The following MORN1 variants were observed in gnomAD, a reference collection of about 807,000 sequenced individuals.
The protein encoded by MORN1 is MORN repeat containing 1.
MORN1 carries 67 observed loss-of-function variants against 61.9 expected under a neutral mutation model. The ratio of observed to expected loss-of-function variants is 1.08; its 90% CI spans 0.89 to 1.33. The LOEUF (loss-of-function observed/expected upper bound fraction) is 1.33. Ranked by LOEUF, MORN1 falls within the 40% of genes most tolerant of loss-of-function variation. The pLI, the probability that MORN1 is intolerant of heterozygous loss-of-function variation, is 0.00. For missense variants in MORN1, 752 were observed against 691.2 expected (o/e 1.09, Z -0.99); for synonymous variants, 301 against 292.0 (o/e 1.03, Z -0.31).
intron 5 of MORN1, 134 bp downstream of exon 5, chr1:2,385,673 G>T: frequency 1.4e-6 from 1 of 722,466 alleles, no homozygotes. Flanking sequence ...GGGGGGTGGC[G>T]GGTAGACAGC....
Position 2,357,337 on chromosome 1 carries a change from C to T in MORN1, c.1036+95G>A, listed in dbSNP as rs574467532. The stretch of plus-strand genomic sequence containing the variant: ...TGACCCTGGGTGCGGCTTGCTCCTG[C>T]TCTGGCCTGGTTCTGGGTCCCCATG... On this transcript the variant is annotated intron_variant, in intron 10 of 13. Transcript: ENST00000378531. This position sits in a 1 kb window ranked among gnomAD's most constrained non-coding sequence, Gnocchi z 6.3. 2.9e-6 allele frequency: 4 copies of T among 1,402,124 alleles called. No homozygotes were observed. Among genetic ancestry groups the T allele is most frequent in the Non-Finnish European group, 3.9e-6 (4 of 1,033,518 alleles). The allele number at this position is 1,402,124 out of a possible 1,614,324, so 86.9% of individuals were successfully genotyped here.
rs537879659 is a variant in MORN1 at position 2,347,990 on chromosome 1, C to T, written c.1036+9442G>A. On this transcript the variant is annotated intron_variant, in intron 10 of 13. Transcript: ENST00000378531. Reference sequence around the variant, plus strand: ...TTCGCCTCACGTAACCCAGCACAGCCGTCCCGGGGCAGGGCACGCCTCGGG... The same window carrying T: ...TTCGCCTCACGTAACCCAGCACAGCTGTCCCGGGGCAGGGCACGCCTCGGG... Among the ~76,000 whole-genome samples the T allele has an allele frequency of 9.8e-5, 15 of 152,346 alleles. No individual in the cohort carries two copies. The South Asian group carries it at 1.7e-3, about 17-fold the overall frequency.
intron 13 of MORN1, chr1:2,323,805 C>T (rs776034371): frequency 1.6e-5 from 16 of 985,222 alleles, no homozygotes; most frequent in African/African-American, 1.7e-5. Flanking sequence ...CCTCCGAGTC[C>T]CCGTGCTCCC....
chr1:2,321,929 A>C, intron 13 of MORN1: 11 of 786,294 alleles, frequency 1.4e-5, no homozygotes, highest in South Asian at 5.8e-5. Context: ...TGACCTGGCT[A>C]CAGGTCCCTG....
rs775577999 is a variant in MORN1, at chr1:2,387,534, A to C, written c.248-5T>G. ...ACTGTCCAGAGAAGGTGTCTCCTGCATGTGGACAAGGAGGAGGGGAGACAG... is the reference window on the plus strand; with the variant it reads ...ACTGTCCAGAGAAGGTGTCTCCTGCCTGTGGACAAGGAGGAGGGGAGACAG... On this transcript the variant is annotated splice_region_variant and splice_polypyrimidine_tract_variant and intron_variant, in intron 3 of 13. Transcript: ENST00000378531. 7 of 1,602,178 alleles carry C rather than the reference A, an allele frequency of 4.4e-6. No homozygotes were observed. The highest frequency in any genetic ancestry group is 6.0e-6 in the Non-Finnish European group (7 of 1,172,336).
chr1:2,367,369 C>G (rs1356022851), intron 8 of MORN1, among the ~76,000 whole-genome samples: 1 of 150,238 alleles, frequency 6.7e-6, no homozygotes, highest in Non-Finnish European at 1.5e-5. Flanking sequence ...CCTGTGATCC[C>G]AGTATTTTGG....
intron 10 of MORN1, among the ~76,000 whole-genome samples, chr1:2,346,508 C>G (rs957008016): frequency 1.4e-4 from 22 of 152,308 alleles, no homozygotes; most frequent in African/African-American, 4.1e-4. Context: ...GCCTCAGCCT[C>G]CTGAGTAGCT....
Position 2,321,425 on chromosome 1 carries a change from C to T in MORN1, c.1452G>A (p.Gln484=). 2 of 1,540,732 alleles carry T rather than the reference C, an allele frequency of 1.3e-6. No individual in the cohort carries two copies. Among genetic ancestry groups the T allele is most frequent in the African/African-American group, 1.4e-5 (1 of 72,548 alleles). The part of the protein sequence containing the change: ...EEGPEASSSW[Q]AAHSCTPEPP... ...GCTCTGGGGTGCAGCTGTGGGCGGC[C>T]TGCCAGCTGCTTGAGGCTTCAGGGC... Residue 484 remains glutamine, a synonymous_variant, in exon 14 of 14, where the codon CAG becomes CAA. Coordinates refer to ENST00000378531, the MANE Select transcript of MORN1 (RefSeq NM_024848.3).
intron 12 of MORN1, among the ~76,000 whole-genome samples, chr1:2,335,775 G>A (rs1220047172): frequency 6.6e-6 from 1 of 151,192 alleles, no homozygotes; most frequent in Non-Finnish European, 1.5e-5. Flanking sequence ...GGCCAGGCGA[G>A]GGCTGGTGGG....
In MORN1 at chr1:2,339,892, C is replaced by T. The variant is rs372570090; in HGVS notation, c.1037-3042G>A. ...GGGAAGGCCCAGCCAAAGTGTCCTG[C>T]GGGGCTGCTCCCCGTGGAGCACGGC... is the stretch of plus-strand genomic sequence containing the variant. On this transcript the variant is annotated intron_variant, in intron 10 of 13. Coordinates refer to ENST00000378531, the MANE Select transcript of MORN1 (RefSeq NM_024848.3). 2.1e-4 allele frequency among the ~76,000 whole-genome samples: 32 copies of T among 152,390 alleles called. 1 individual carries two copies. The highest frequency in any genetic ancestry group is 1.7e-3 in the East Asian group (9 of 5,180).
chr1:2,347,107 C>T (rs1641535656), intron 10 of MORN1, among the ~76,000 whole-genome samples: 1 of 152,184 alleles, frequency 6.6e-6, no homozygotes, highest in South Asian at 2.1e-4. Context: ...ACTCAAAGCA[C>T]CCTACCCAGC....
intron 8 of MORN1, among the ~76,000 whole-genome samples, chr1:2,370,281 T>C (rs760797777): frequency 3.3e-5 from 5 of 152,176 alleles, no homozygotes; most frequent in Non-Finnish European, 7.3e-5. Context: ...GCTGGGATGA[T>C]TGAACATCCC....
At chr1:2,385,941 C>T (rs1642487632) in intron 4 of MORN1, 44 bp from the exon 5 acceptor site, 1 of 1,547,152 alleles carries the variant, frequency 6.5e-7, no homozygotes, top group Non-Finnish European at 8.9e-7. Context: ...GTGCCTCCTC[C>T]TGCATCTGAG....
In MORN1 at chr1:2,326,879, C is replaced by A. The variant is rs115646988; in HGVS notation, c.1251-2736G>T. On this transcript the variant is annotated intron_variant, in intron 12 of 13. Transcript: ENST00000378531. The stretch of plus-strand genomic sequence containing the variant: ...TGGTGTCTGGGGATCAGGGTGAAGA[C>A]ACAGCGACCCGGGCCTCACCCAGGG... Among the ~76,000 whole-genome samples the A allele has an allele frequency of 4.3e-3, 662 of 152,350 alleles. 4 individuals carry two copies. Among genetic ancestry groups the A allele is most frequent in the Non-Finnish European group, 6.1e-3 (412 of 68,038 alleles).
chr1:2,381,362 T>C (rs1040223823), intron 6 of MORN1, among the ~76,000 whole-genome samples: 1 of 152,214 alleles, frequency 6.6e-6, no homozygotes, highest in Admixed American at 6.5e-5. Context: ...TCACTGGCCA[T>C]GGTCTGCCCG....
intron 8 of MORN1, among the ~76,000 whole-genome samples, chr1:2,362,620 A>T (rs921764965): frequency 6.6e-6 from 1 of 152,178 alleles, no homozygotes; most frequent in African/African-American, 2.4e-5. Flanking sequence ...TGGTTGAAAA[A>T]TTTCCAAATT....
chr1:2,341,652 T>C (rs1051250598), intron 10 of MORN1, among the ~76,000 whole-genome samples: 2 of 149,652 alleles, frequency 1.3e-5, no homozygotes, highest in Non-Finnish European at 3.0e-5. Flanking sequence ...GATCGCTCCA[T>C]TGCACTCCAG....
intron 12 of MORN1, among the ~76,000 whole-genome samples, chr1:2,325,110 T>TTCCCTCCCTTCCTTCCC (rs1471530243): frequency 2.2e-5 from 1 of 45,928 alleles, no homozygotes; most frequent in African/African-American, 1.4e-4. Flanking sequence ...TCCCCTTTCC[T>TTCCCTCCCTTCCTTCCC]TCCCTTCCTT....
At chr1:2,388,046 G>A (rs767405856) in intron 3 of MORN1, 193 bp downstream of exon 3, 33 of 532,928 alleles carry the variant, frequency 6.2e-5, no homozygotes, top group Middle Eastern at 4.4e-4. Flanking sequence ...AAGTGTCTCC[G>A]GAAGCCTGAG....
Sources: gnomAD v4.1 joint callset for allele counts (sites outside exome capture counted in the v4.1 genomes callset) on GRCh38, gnomAD v4.1.1 for gene constraint, Gnocchi (gnomAD v3.1) non-coding constraint, MANE v1.5 for transcripts, NCBI Gene and HGNC (gene_info 2026-07-23, HGNC 2026-07-21) for gene names.